SNTG1: variants seen among roughly 807,000 people sequenced by gnomAD.
SNTG1 encodes syntrophin gamma 1.
In SNTG1, 39 loss-of-function variants were observed where a neutral mutation model predicts 74.7. That is an observed-to-expected ratio of 0.52 (90% confidence interval 0.40 to 0.68). SNTG1 has a LOEUF of 0.68. SNTG1 is among the 30% of genes least tolerant of loss of function. SNTG1 has a pLI of 0.00. For synonymous variants in SNTG1, 254 were observed against 217.1 expected, an observed-to-expected ratio of 1.17 and a Z score of -1.49; for missense variants, 685 against 609.5, an observed-to-expected ratio of 1.12 and a Z score of -1.30.
At chr8:50,341,138 A>G (rs563946075) in intron 2 of SNTG1, among the ~76,000 whole-genome samples, 1 of 151,998 alleles carries the variant, frequency 6.6e-6, no homozygotes, top group South Asian at 2.1e-4. Context: ...ATGCAGCCTT[A>G]AATAGAGAGG....
intron 1 of SNTG1, among the ~76,000 whole-genome samples, chr8:49,954,588 A>G (rs930880855): frequency 1.3e-5 from 2 of 152,096 alleles, no homozygotes; most frequent in Admixed American, 1.3e-4. Flanking sequence ...TTCTAATACA[A>G]TTTGTATTTC....
intron 1 of SNTG1, among the ~76,000 whole-genome samples, chr8:50,072,156 T>A (rs1821426005): frequency 6.6e-6 from 1 of 152,210 alleles, no homozygotes; most frequent in Non-Finnish European, 1.5e-5. Context: ...GACATGGATC[T>A]ATTTGCCTTG....
intron 11 of SNTG1, among the ~76,000 whole-genome samples, chr8:50,539,238 A>G (rs2094328745): frequency 6.6e-6 from 1 of 152,158 alleles, no homozygotes. Context: ...TAACAAAATC[A>G]TCCTAGACTT....
At chr8:50,183,267 G>A (rs888449498) in intron 2 of SNTG1, among the ~76,000 whole-genome samples, 5 of 152,168 alleles carry the variant, frequency 3.3e-5, no homozygotes, top group African/African-American at 9.6e-5. Context: ...TAAGTCTTAC[G>A]CTTCCGCATT....
chr8:50,328,333 T>C (rs894926757), intron 2 of SNTG1, among the ~76,000 whole-genome samples: 6 of 152,198 alleles, frequency 3.9e-5, no homozygotes, highest in Admixed American at 2.6e-4. Flanking sequence ...CTGTCAACTT[T>C]AAATATTTCA....
chr8:50,595,604 T>G (rs73587021), intron 13 of SNTG1, among the ~76,000 whole-genome samples: 3,478 of 152,164 alleles, frequency 0.023, 127 homozygotes, highest in African/African-American at 0.079. Flanking sequence ...ACTGTCTTAA[T>G]TCTCATTGGC....
chr8:50,465,394 A>G (rs10957937), intron 8 of SNTG1, among the ~76,000 whole-genome samples: 110,183 of 151,488 alleles, frequency 0.73, 41,540 homozygotes, highest in East Asian at 0.84. Flanking sequence ...TTGTAACACA[A>G]TAAGATTCTC....
intron 1 of SNTG1, among the ~76,000 whole-genome samples, chr8:49,939,731 C>T (rs1476167702): frequency 6.6e-6 from 1 of 152,070 alleles, no homozygotes; most frequent in African/African-American, 2.4e-5. Flanking sequence ...AAATGAACAA[C>T]TTGTTCTCTG....
At chr8:50,650,293 T>G (rs2131228348) in intron 13 of SNTG1, among the ~76,000 whole-genome samples, 1 of 152,246 alleles carries the variant, frequency 6.6e-6, no homozygotes, top group East Asian at 1.9e-4. Flanking sequence ...ATTATATTGA[T>G]GCTTTTAAAT....
intron 12 of SNTG1, among the ~76,000 whole-genome samples, chr8:50,581,978 G>A (rs1271055335): frequency 2.6e-5 from 4 of 152,156 alleles, no homozygotes; most frequent in African/African-American, 4.8e-5. Flanking sequence ...GAGTTTTAGA[G>A]AGTCCTTGGA....
At chr8:50,292,953 T>A (rs533066759) in intron 2 of SNTG1, among the ~76,000 whole-genome samples, 1 of 152,000 alleles carries the variant, frequency 6.6e-6, no homozygotes, top group East Asian at 1.9e-4. Flanking sequence ...AGAAGGAGGA[T>A]CCAAGGACCT....
intron 12 of SNTG1, among the ~76,000 whole-genome samples, chr8:50,570,935 A>C (rs2094545924): frequency 6.6e-6 from 1 of 151,906 alleles, no homozygotes; most frequent in Non-Finnish European, 1.5e-5. Context: ...GAACCTCCAC[A>C]CAGTTTTCCA....
intron 1 of SNTG1, among the ~76,000 whole-genome samples, chr8:50,075,283 T>C (rs1042955477): frequency 6.8e-4 from 103 of 152,262 alleles, no homozygotes; most frequent in Middle Eastern, 3.4e-3. Context: ...TGGCGGCCCC[T>C]GGGTGGGATC....
At chr8:50,524,707 G>A (rs544199116) in intron 9 of SNTG1, among the ~76,000 whole-genome samples, 4 of 152,014 alleles carry the variant, frequency 2.6e-5, no homozygotes, top group Admixed American at 2.6e-4. Flanking sequence ...ATTGTATTTG[G>A]TATTATATGC....
intron 15 of SNTG1, among the ~76,000 whole-genome samples, chr8:50,699,217 G>GA (rs199579492): frequency 1.0e-5 from 1 of 97,434 alleles, no homozygotes; most frequent in Non-Finnish European, 2.7e-5. Context: ...GAGGAAGAAA[G>GA]AAAAAAAGTC....
chr8:50,166,968 T>C (rs2082636096), intron 1 of SNTG1, among the ~76,000 whole-genome samples: 1 of 146,956 alleles, frequency 6.8e-6, no homozygotes, highest in Admixed American at 6.7e-5. Context: ...TCATGTCCTT[T>C]GTAGGGACAT....
At chr8:50,592,386 G>T (rs1278688895) in intron 13 of SNTG1, among the ~76,000 whole-genome samples, 1 of 152,136 alleles carries the variant, frequency 6.6e-6, no homozygotes, top group Admixed American at 6.6e-5. Flanking sequence ...CAACATGGGA[G>T]ATATTAATAT....
At chr8:50,685,147 G>A (rs1211846693) in intron 15 of SNTG1, among the ~76,000 whole-genome samples, 2 of 152,082 alleles carry the variant, frequency 1.3e-5, no homozygotes, top group African/African-American at 4.8e-5. Flanking sequence ...AAACAAAGGG[G>A]CATGTTAGAA....
intron 18 of SNTG1, chr8:50,762,555 T>C (rs1252001644): frequency 2.7e-6 from 1 of 373,490 alleles, no homozygotes; most frequent in African/African-American, 2.1e-5. Flanking sequence ...CAGGCAAAGA[T>C]CATTTTTGTT....
Sources: gnomAD v4.1 joint callset for allele counts (sites outside exome capture counted in the v4.1 genomes callset) on GRCh38, gnomAD v4.1.1 for gene constraint, MANE v1.5 for transcripts, NCBI Gene and HGNC (gene_info 2026-07-23, HGNC 2026-07-21) for gene names.